Variants in KIAA1549L observed in about 807,000 individuals in gnomAD.
The protein encoded by KIAA1549L is KIAA1549 like, also known as UPF0606 protein KIAA1549L.
A neutral mutation model predicts 160.7 loss-of-function variants in KIAA1549L; 88 were observed. The ratio of observed to expected loss-of-function variants is 0.55; its 90% CI spans 0.46 to 0.65. KIAA1549L has a LOEUF of 0.65. Among genes scored for constraint, KIAA1549L ranks in the 30% least tolerant of loss-of-function variants. The pLI, the probability that KIAA1549L is intolerant of heterozygous loss-of-function variation, is 0.00. For missense variants in KIAA1549L, 2,258 were observed against 2,437.5 expected, an observed-to-expected ratio of 0.93 and a Z score of 1.55; for synonymous variants, 950 against 976.7, an observed-to-expected ratio of 0.97 and a Z score of 0.51.
At chr11:33,634,448 G>A (rs1402674936) in intron 16 of KIAA1549L, among the ~76,000 whole-genome samples, 2 of 152,178 alleles carry the variant, frequency 1.3e-5, no homozygotes, top group Non-Finnish European at 2.9e-5. Flanking sequence ...GTAGTACAAG[G>A]CCACACTTCC....
chr11:33,466,386 A>T (rs1250479906), intron 1 of KIAA1549L, among the ~76,000 whole-genome samples: 1 of 152,394 alleles, frequency 6.6e-6, no homozygotes. Context: ...ATTACTGGTC[A>T]TCAGAGAAAT....
Position 33,430,953 on chromosome 11 carries a change from C to T in KIAA1549L, c.238+54064C>T, listed in dbSNP as rs140103679. ...CCGTGGACCCTCGCGGTGAGTGTTA[C>T]AGCTCTTAAGGTGGCGCGTCTGGAG... On this transcript the variant is annotated intron_variant, in intron 1 of 20. Coordinates refer to ENST00000658780, the MANE Select transcript of KIAA1549L (RefSeq NM_012194.3). Among the ~76,000 whole-genome samples, 317 of 152,302 alleles carry T rather than the reference C, an allele frequency of 2.1e-3. 1 individual carries two copies. The highest frequency in any genetic ancestry group is 7.1e-3 in the African/African-American group (297 of 41,566).
chr11:33,621,318 C>T (rs1458864174), intron 16 of KIAA1549L, among the ~76,000 whole-genome samples: 4 of 152,126 alleles, frequency 2.6e-5, no homozygotes, highest in South Asian at 2.1e-4. Flanking sequence ...GGGATCACTG[C>T]GTTTTACAGC....
At chr11:33,415,881 T>C (rs1850878025) in intron 1 of KIAA1549L, among the ~76,000 whole-genome samples, 1 of 151,094 alleles carries the variant, frequency 6.6e-6, no homozygotes. Context: ...CTCGGCTCAC[T>C]GGAGTGCAGT....
intron 16 of KIAA1549L, among the ~76,000 whole-genome samples, chr11:33,629,772 CCTT>C (rs1429557943): frequency 3.3e-5 from 5 of 150,818 alleles, no homozygotes; most frequent in Non-Finnish European, 5.9e-5. Context: ...TCGTCTGAAG[CCTT>C]CTTCTCTCAG....
rs373686294 is a variant in KIAA1549L at position 33,591,390 on chromosome 11, A to G, written c.4720A>G (p.Lys1574Glu). The G allele has an allele frequency of 6.2e-7, 1 of 1,609,240 alleles. No individual in the cohort carries two copies. The highest frequency in any genetic ancestry group is 1.3e-5 in the African/African-American group (1 of 74,830). Residue 1574 changes from lysine to glutamate, a missense_variant, in exon 12 of 21, where the codon AAG becomes GAG. Physicochemically the swap from Lys to Glu is moderately conservative, Grantham distance 56. Coordinates refer to ENST00000658780, the MANE Select transcript of KIAA1549L (RefSeq NM_012194.3). ...CGTCGCTCAGGATGGAAGCACCATC[A>G]AGACCGCCAAATCCACTGAAACCAG... is the stretch of plus-strand genomic sequence containing the variant. ...RDVAQDGSTI[K>E]TAKSTETRKS...
chr11:33,516,139 C>CTTTTTTT (rs927894187), intron 1 of KIAA1549L, among the ~76,000 whole-genome samples: 1 of 43,290 alleles, frequency 2.3e-5, no homozygotes, highest in Non-Finnish European at 3.8e-5. Flanking sequence ...GGAGGTGATT[C>CTTTTTTT]TTTTTTTTTT....
At chr11:33,405,585 T>C (rs930444947) in intron 1 of KIAA1549L, among the ~76,000 whole-genome samples, 2 of 151,004 alleles carry the variant, frequency 1.3e-5, no homozygotes, top group African/African-American at 4.9e-5. Context: ...GGCTAATGCC[T>C]GTAATCCCAG....
At chr11:33,548,304 C>G (rs1854334529) in intron 4 of KIAA1549L, among the ~76,000 whole-genome samples, 1 of 152,148 alleles carries the variant, frequency 6.6e-6, no homozygotes, top group South Asian at 2.1e-4. Flanking sequence ...GAGGCTGAGA[C>G]AGGAGAATCG....
chr11:33,537,146 A>G (rs771140182), intron 1 of KIAA1549L, among the ~76,000 whole-genome samples: 14 of 152,102 alleles, frequency 9.2e-5, no homozygotes, highest in Non-Finnish European at 1.8e-4. Flanking sequence ...GCCTTTGCAT[A>G]TGCTTGTTCC....
At chr11:33,523,925 A>G (rs1590309347) in intron 1 of KIAA1549L, among the ~76,000 whole-genome samples, 1 of 152,072 alleles carries the variant, frequency 6.6e-6, no homozygotes, top group East Asian at 1.9e-4. Flanking sequence ...ATTTATGTAC[A>G]TATTTTGATC....
rs896030665 is a variant in KIAA1549L at position 33,542,858 on chromosome 11, C to T, written c.1295C>T (p.Thr432Ile). 3.7e-5 allele frequency: 59 copies of T among 1,613,766 alleles called. No individual in the cohort carries two copies. Among genetic ancestry groups the T allele is most frequent in the Non-Finnish European group, 4.7e-5 (56 of 1,179,848 alleles). Reference sequence around the variant, plus strand: ...GCAGAATCAGGGGCCATAGAAATGACCAGCAGAAAGCTAGCCTCTGCCACT... The same window carrying T: ...GCAGAATCAGGGGCCATAGAAATGATCAGCAGAAAGCTAGCCTCTGCCACT... The part of the protein sequence containing the change: ...QTAESGAIEM[T>I]SRKLASATAN... Residue 432 changes from threonine to isoleucine, a missense_variant, in exon 2 of 21, where the codon ACC becomes ATC. By Grantham distance (89) the Thr-to-Ile change is moderately conservative. Transcript: ENST00000658780.
At position 33,489,042 on chromosome 11, in the gene KIAA1549L, T is replaced by C. The variant is rs138605327; in HGVS notation, c.239-52760T>C. On this transcript the variant is annotated intron_variant, in intron 1 of 20. Coordinates refer to ENST00000658780, the MANE Select transcript of KIAA1549L (RefSeq NM_012194.3). ...GGTAAACTGTGAAAAATCTGAATGC[T>C]GTGCTGGCCAGCTGTCGTTGGGTGA... 1.3e-3 allele frequency among the ~76,000 whole-genome samples: 192 copies of C among 152,356 alleles called. 2 individuals are homozygous for C. The highest frequency in any genetic ancestry group is 4.4e-3 in the African/African-American group (185 of 41,596).
chr11:33,502,040 T>C (rs1328048905), intron 1 of KIAA1549L, among the ~76,000 whole-genome samples: 1 of 152,144 alleles, frequency 6.6e-6, no homozygotes, highest in Non-Finnish European at 1.5e-5. Context: ...CACAGAGAGA[T>C]GGAATTCAGA....
intron 11 of KIAA1549L, among the ~76,000 whole-genome samples, chr11:33,590,671 C>T (rs1850025990): frequency 6.6e-6 from 1 of 152,206 alleles, no homozygotes; most frequent in Non-Finnish European, 1.5e-5. Context: ...TGTGATAACA[C>T]ACTTCCCTCT....
intron 1 of KIAA1549L, among the ~76,000 whole-genome samples, chr11:33,403,846 A>G (rs1180174648): frequency 6.6e-6 from 1 of 152,232 alleles, no homozygotes; most frequent in Non-Finnish European, 1.5e-5. Flanking sequence ...GGAGAGAGCT[A>G]TAAATCCTTG....
chr11:33,543,564 A>G lies in KIAA1549L; in HGVS notation c.2001A>G (p.Lys667=), dbSNP rs779465273. The G allele has an allele frequency of 9.9e-6, 16 of 1,613,884 alleles. No individual in the cohort carries two copies. Among genetic ancestry groups the G allele is most frequent in the Non-Finnish European group, 9.3e-6 (11 of 1,179,894 alleles). ...DHSGLPASAS[K]QVRASPSSMD... ...CTGGGTTGCCAGCTTCAGCTTCCAA[A>G]CAGGTGAGAGCATCGCCCTCCTCCA... The change falls in exon 2 of 21, where the codon AAA becomes AAG. Residue 667 remains lysine, a synonymous_variant. Coordinates refer to ENST00000658780, the MANE Select transcript of KIAA1549L (RefSeq NM_012194.3).
intron 6 of KIAA1549L, among the ~76,000 whole-genome samples, chr11:33,553,233 C>T (rs1372674031): frequency 6.6e-6 from 1 of 151,952 alleles, no homozygotes; most frequent in Non-Finnish European, 1.5e-5. Flanking sequence ...CTCCTGGGCT[C>T]AAGCAATTCT....
At chr11:33,581,647 A>G (rs1279510719) in intron 10 of KIAA1549L, among the ~76,000 whole-genome samples, 1 of 152,186 alleles carries the variant, frequency 6.6e-6, no homozygotes, top group Non-Finnish European at 1.5e-5. Context: ...GGGTTTTCCT[A>G]TCAGTCCTCT....
Sources: allele counts gnomAD v4.1 joint callset (sites outside exome capture counted in the v4.1 genomes callset), GRCh38; gene constraint gnomAD v4.1.1; transcripts MANE v1.5; gene names NCBI Gene and HGNC (gene_info 2026-07-23, HGNC 2026-07-21).